Variants in CEP85L observed in about 807,000 individuals in gnomAD.
CEP85L encodes centrosomal protein of 85 kDa-like.
Under a neutral mutation model 100.3 loss-of-function variants are expected in CEP85L, and 60 were observed. The observed-to-expected ratio is 0.60, with a 90% CI of 0.49 to 0.74. CEP85L has a LOEUF of 0.74. CEP85L is among the 30% of genes least tolerant of loss of function. The probability of loss-of-function intolerance (pLI) is 0.00; values close to 1 mark genes in which losing one functional copy is unlikely to be tolerated. For missense variants in CEP85L, 973 were observed against 936.2 expected, an observed-to-expected ratio of 1.04 and a Z score of -0.51; for synonymous variants, 319 against 322.7, an observed-to-expected ratio of 0.99 and a Z score of 0.12.
chr6:118,708,107 G>A (rs1209309784), intron 1 of CEP85L, among the ~76,000 whole-genome samples: 1 of 152,170 alleles, frequency 6.6e-6, no homozygotes, highest in Admixed American at 6.5e-5. Flanking sequence ...GGAATATATA[G>A]ACAAAGATAT....
intron 1 of CEP85L, among the ~76,000 whole-genome samples, chr6:118,680,282 A>AT (rs1319692727): frequency 6.7e-6 from 1 of 149,898 alleles, no homozygotes; most frequent in African/African-American, 2.5e-5. Flanking sequence ...AAAAAAAAAA[A>AT]AAAAGAATCT....
At position 118,465,430 on chromosome 6, in the gene CEP85L, A is replaced by G. The variant is rs1772440626; in HGVS notation, c.2393T>C (p.Met798Thr). Residue 798 changes from methionine to threonine, a missense_variant, in exon 13 of 13, where the codon ATG becomes ACG. Physicochemically the swap from Met to Thr is moderately conservative, Grantham distance 81 (BLOSUM62 -1). This residue lies in a region of CEP85L where 890 missense variants were observed against 844.5 expected (regional missense o/e 1.05). Coordinates refer to ENST00000368491, the MANE Select transcript of CEP85L (RefSeq NM_001042475.3). Reference protein sequence around the residue: ...TTISDRYAQDMGDNCITQ With the variant: ...TTISDRYAQDTGDNCITQ ...TCACTGAGTAATGCAGTTGTCTCCCATGTCCTGAGCATAGCGGTCTGATAT... is the reference window on the plus strand; with the variant it reads ...TCACTGAGTAATGCAGTTGTCTCCCGTGTCCTGAGCATAGCGGTCTGATAT... The G allele has an allele frequency of 1.2e-6, 2 of 1,613,378 alleles. No individual in the cohort carries two copies. The highest frequency in any genetic ancestry group is 1.7e-6 in the Non-Finnish European group (2 of 1,179,528).
chr6:118,465,830 T>C (rs1298910703), intron 12 of CEP85L, among the ~76,000 whole-genome samples: 1 of 152,118 alleles, frequency 6.6e-6, no homozygotes, highest in African/African-American at 2.4e-5. Context: ...GGTAACAATA[T>C]TCCAAAAGTG....
At chr6:118,635,527 T>G (rs1051226966) in intron 1 of CEP85L, among the ~76,000 whole-genome samples, 4 of 152,168 alleles carry the variant, frequency 2.6e-5, no homozygotes, top group African/African-American at 9.7e-5. Flanking sequence ...AATCTACCAG[T>G]TTATGTGGGG....
chr6:118,694,189 CCCAAGAGAAA>C (rs577539021), intron 1 of CEP85L, among the ~76,000 whole-genome samples: 6 of 152,196 alleles, frequency 3.9e-5, no homozygotes, highest in Non-Finnish European at 7.3e-5. Flanking sequence ...CAACTCCTCT[CCCAAGAGAAA>C]CCAAAATGTA....
chr6:118,536,264 G>A (rs1777583778), intron 3 of CEP85L, among the ~76,000 whole-genome samples: 1 of 152,032 alleles, frequency 6.6e-6, no homozygotes, highest in South Asian at 2.1e-4. Context: ...AATCAATAAT[G>A]GTAAGTCAGA....
rs1370400984 is a variant in CEP85L at position 118,651,192 on chromosome 6, C to T, written c.73+5G>A. The T allele has an allele frequency of 6.7e-7, 1 of 1,495,500 alleles. No homozygotes were observed. The highest frequency in any genetic ancestry group is 2.8e-5 in the East Asian group (1 of 35,384). The allele number at this position is 1,495,500 out of a possible 1,614,324, so 92.6% of individuals were successfully genotyped here. On this transcript the variant is annotated splice_donor_5th_base_variant and intron_variant, in intron 1 of 12. Coordinates refer to ENST00000368491, the MANE Select transcript of CEP85L (RefSeq NM_001042475.3). ...CCCCAGCCGGGGCGCTGTCCCGTTC[C>T]TTACCGGCAGGGAAGCTGCGGGCTC...
At chr6:118,685,398 G>A (rs540504051) in intron 1 of CEP85L, among the ~76,000 whole-genome samples, 3 of 152,094 alleles carry the variant, frequency 2.0e-5, no homozygotes, top group Non-Finnish European at 2.9e-5. Flanking sequence ...ATAATGTGAT[G>A]TATAGTGTTC....
At chr6:118,516,239 A>G (rs969358828) in intron 4 of CEP85L, among the ~76,000 whole-genome samples, 8 of 152,224 alleles carry the variant, frequency 5.3e-5, no homozygotes, top group Non-Finnish European at 8.8e-5. Flanking sequence ...TTATAGGAGA[A>G]TGATTTATAA....
chr6:118,600,299 GGGTGTGTGTGTGTGTGTGTGTGT>G lies in CEP85L; in HGVS notation c.232+32131_232+32153del, dbSNP rs1781678150. Among the ~76,000 whole-genome samples the G allele has an allele frequency of 9.5e-4, 85 of 89,012 alleles. 6 individuals carry two copies. Among genetic ancestry groups the G allele is most frequent in the African/African-American group, 3.6e-3 (84 of 23,208 alleles). 58.4% of individuals were successfully genotyped at this position (89,012 alleles called of 152,430 possible). ...ACTGCCTGTCCCTGAGCCTTCCTGGGGGTGTGTGTGTGTGTGTGTGTGTGTGTGTGTGTGTGTGTGTGTGTGTG... is the reference window on the plus strand; with the variant it reads ...ACTGCCTGTCCCTGAGCCTTCCTGGGGTGTGTGTGTGTGTGTGTGTGTGTG... On this transcript the variant is annotated intron_variant, in intron 2 of 12. Coordinates refer to ENST00000368491, the MANE Select transcript of CEP85L (RefSeq NM_001042475.3).
intron 3 of CEP85L, among the ~76,000 whole-genome samples, chr6:118,541,716 A>G (rs1777910616): frequency 6.6e-6 from 1 of 152,176 alleles, no homozygotes; most frequent in African/African-American, 2.4e-5. Flanking sequence ...TTAAGGTAGG[A>G]TTACCTCCCT....
In CEP85L at chr6:118,464,696, G is replaced by GTGTTA. The variant is rs1340458585; in HGVS notation, c.*708_*709insTAACA. On this transcript the variant is annotated 3_prime_UTR_variant, in exon 13 of 13. Coordinates refer to ENST00000368491, the MANE Select transcript of CEP85L (RefSeq NM_001042475.3). ...TTTCTTGTAACACATACATTACAAT[G>GTGTTA]CTAAGGAAAAAGAGCATCACGTCAA... The GTGTTA allele has an allele frequency of 9.2e-5, 14 of 152,014 alleles. No homozygotes were observed. Among genetic ancestry groups the GTGTTA allele is most frequent in the African/African-American group, 3.1e-4 (13 of 41,414 alleles). 9.4% of individuals were successfully genotyped at this position (152,014 alleles called of 1,614,324 possible).
At chr6:118,488,173 C>T (rs544457159) in intron 6 of CEP85L, among the ~76,000 whole-genome samples, 1 of 152,024 alleles carries the variant, frequency 6.6e-6, no homozygotes, top group African/African-American at 2.4e-5. Context: ...GAAAAATTAA[C>T]ACACAGGGAA....
At chr6:118,584,188 T>C (rs1194179994) in intron 2 of CEP85L, among the ~76,000 whole-genome samples, 2 of 152,196 alleles carry the variant, frequency 1.3e-5, no homozygotes, top group African/African-American at 2.4e-5. Flanking sequence ...AGGAAGGCAC[T>C]GAAGCTCTTC....
chr6:118,554,110 A>G, intron 3 of CEP85L, among the ~76,000 whole-genome samples: 1 of 152,154 alleles, frequency 6.6e-6, no homozygotes, highest in African/African-American at 2.4e-5. Flanking sequence ...CAGCACAGTG[A>G]AACCCTGTCC....
In CEP85L at chr6:118,470,529, C is replaced by A; in HGVS notation, c.2022+8G>T. 1 of 1,514,848 alleles carries A rather than the reference C, an allele frequency of 6.6e-7. No individual in the cohort carries two copies. The highest frequency in any genetic ancestry group is 9.0e-7 in the Non-Finnish European group (1 of 1,115,782). 93.8% of individuals were successfully genotyped at this position (1,514,848 alleles called of 1,614,324 possible). Reference sequence around the variant, plus strand: ...CTTTCAAAGCAAAATTGAATTTCTTCTACTCACTTCAAGCAATGCTTTTGT... The same window carrying A: ...CTTTCAAAGCAAAATTGAATTTCTTATACTCACTTCAAGCAATGCTTTTGT... On this transcript the variant is annotated splice_region_variant and intron_variant, in intron 11 of 12. Transcript: ENST00000368491.
intron 3 of CEP85L, among the ~76,000 whole-genome samples, chr6:118,545,169 G>C (rs1247601881): frequency 6.6e-6 from 1 of 152,008 alleles, no homozygotes; most frequent in Admixed American, 6.5e-5. Context: ...ATTAACTTCT[G>C]GTCAAAAATT....
intron 2 of CEP85L, among the ~76,000 whole-genome samples, chr6:118,624,730 T>G (rs1773672230): frequency 6.6e-6 from 1 of 152,240 alleles, no homozygotes; most frequent in Non-Finnish European, 1.5e-5. Context: ...CCCGATGCCC[T>G]AGGGACTACC....
chr6:118,617,209 T>C (rs1265553157), intron 2 of CEP85L, among the ~76,000 whole-genome samples: 2 of 152,078 alleles, frequency 1.3e-5, no homozygotes, highest in Admixed American at 6.6e-5. Flanking sequence ...ATAAATAATA[T>C]TGAGGTATAA....
Sources: gnomAD v4.1 joint callset for allele counts (sites outside exome capture counted in the v4.1 genomes callset) on GRCh38, gnomAD v4.1.1 for gene constraint, gnomAD v4.1.1 regional missense constraint, MANE v1.5 for transcripts, NCBI Gene and HGNC (gene_info 2026-07-23, HGNC 2026-07-21) for gene names.